Variants in CNTNAP2 observed in about 807,000 individuals in gnomAD.
CNTNAP2 encodes contactin associated protein 2, also known as contactin-associated protein-like 2.
Under a neutral mutation model 155.2 loss-of-function variants are expected in CNTNAP2, and 98 were observed. The ratio of observed to expected loss-of-function variants is 0.63; its 90% CI spans 0.54 to 0.75. The LOEUF (loss-of-function observed/expected upper bound fraction) is 0.75. CNTNAP2 is among the 30% of genes least tolerant of loss of function. The pLI, the probability that CNTNAP2 is intolerant of heterozygous loss-of-function variation, is 0.00. For synonymous variants in CNTNAP2, 651 were observed against 631.2 expected, an observed-to-expected ratio of 1.03 and a Z score of -0.47; for missense variants, 1,727 against 1,688.1, an observed-to-expected ratio of 1.02 and a Z score of -0.40.
intron 1 of CNTNAP2, among the ~76,000 whole-genome samples, chr7:146,305,377 T>C (rs1049068349): frequency 6.6e-6 from 1 of 152,140 alleles, no homozygotes; most frequent in Non-Finnish European, 1.5e-5. Context: ...ATTTTCAGCT[T>C]TTCTGCTCTG....
chr7:147,510,838 T>C (rs10234171), intron 11 of CNTNAP2, among the ~76,000 whole-genome samples: 74,663 of 120,584 alleles, frequency 0.62, 24,516 homozygotes, highest in South Asian at 0.74. Context: ...GCTCCTGTGA[T>C]GGGCCTACAA....
At chr7:146,349,866 A>G (rs997882634) in intron 1 of CNTNAP2, among the ~76,000 whole-genome samples, 3 of 152,002 alleles carry the variant, frequency 2.0e-5, no homozygotes, top group African/African-American at 7.2e-5. Context: ...TTCCCTTTGC[A>G]GGTAACCCGA....
intron 1 of CNTNAP2, among the ~76,000 whole-genome samples, chr7:146,567,474 A>G (rs1168497540): frequency 1.3e-5 from 2 of 152,192 alleles, no homozygotes; most frequent in African/African-American, 4.8e-5. Context: ...TTATTAGATT[A>G]TAGTTTACCT....
intron 21 of CNTNAP2, among the ~76,000 whole-genome samples, chr7:148,343,980 G>A (rs1272131639): frequency 2.0e-5 from 3 of 152,164 alleles, no homozygotes; most frequent in Non-Finnish European, 4.4e-5. Flanking sequence ...ACTGCATGTA[G>A]CCTGAGGGCT....
chr7:146,424,754 A>G (rs996627275), intron 1 of CNTNAP2, among the ~76,000 whole-genome samples: 2 of 152,174 alleles, frequency 1.3e-5, no homozygotes, highest in Admixed American at 1.3e-4. Context: ...TTACTATGTT[A>G]ATTTGTTTTT....
intron 1 of CNTNAP2, among the ~76,000 whole-genome samples, chr7:146,750,285 C>T (rs534972738): frequency 6.2e-4 from 94 of 152,292 alleles, no homozygotes; most frequent in African/African-American, 2.2e-3. Flanking sequence ...TCCACCCCTA[C>T]CTCACCCTCC....
At position 147,053,673 on chromosome 7, in the gene CNTNAP2, A is replaced by G. The variant is rs897949876; in HGVS notation, c.550+9619A>G. On this transcript the variant is annotated intron_variant, in intron 4 of 23. Coordinates refer to ENST00000361727, the MANE Select transcript of CNTNAP2 (RefSeq NM_014141.6). Reference sequence around the variant, plus strand: ...TCTGTCACTCTGAAATATGAATAACAGTATACTTTCTAGAATAAGGGAGGG... The same window carrying G: ...TCTGTCACTCTGAAATATGAATAACGGTATACTTTCTAGAATAAGGGAGGG... Among the ~76,000 whole-genome samples the G allele has an allele frequency of 9.2e-5, 14 of 152,294 alleles. No individual in the cohort carries two copies. In the South Asian group the frequency reaches 2.7e-3, roughly 29 times the overall value.
intron 12 of CNTNAP2, among the ~76,000 whole-genome samples, chr7:147,621,558 AGTT>A (rs1023911993): frequency 7.3e-5 from 11 of 151,622 alleles, no homozygotes; most frequent in African/African-American, 2.7e-4. Flanking sequence ...AAACAGTGTT[AGTT>A]GTTATCAGCT....
intron 21 of CNTNAP2, among the ~76,000 whole-genome samples, chr7:148,281,112 C>T (rs1397118777): frequency 2.0e-5 from 3 of 152,090 alleles, no homozygotes; most frequent in African/African-American, 7.2e-5. Context: ...CCCATTCCCT[C>T]TTTACTTTCC....
At position 147,117,096 on chromosome 7, in the gene CNTNAP2, A is replaced by G. The variant is rs147717167; in HGVS notation, c.755-3883A>G. 3.3e-3 allele frequency among the ~76,000 whole-genome samples: 509 copies of G among 152,288 alleles called. 4 individuals are homozygous for G. The highest frequency in any genetic ancestry group is 0.012 in the African/African-American group (485 of 41,578). On this transcript the variant is annotated intron_variant, in intron 5 of 23. Coordinates refer to ENST00000361727, the MANE Select transcript of CNTNAP2 (RefSeq NM_014141.6). ...GAAATGGGGCCCACAGAACAATGCCATTCGGCTCCCTGGATTCTGCCCCCT... is the reference window on the plus strand; with the variant it reads ...GAAATGGGGCCCACAGAACAATGCCGTTCGGCTCCCTGGATTCTGCCCCCT...
intron 15 of CNTNAP2, among the ~76,000 whole-genome samples, chr7:148,069,660 T>C (rs1203855954): frequency 6.7e-6 from 1 of 149,962 alleles, no homozygotes; most frequent in Admixed American, 6.7e-5. Context: ...CTCGGGAGGC[T>C]GAGACAGGAG....
intron 1 of CNTNAP2, among the ~76,000 whole-genome samples, chr7:146,762,355 C>A (rs908030857): frequency 6.6e-6 from 1 of 152,110 alleles, no homozygotes; most frequent in Non-Finnish European, 1.5e-5. Flanking sequence ...AATCCCAGCA[C>A]TTTGGGAGGC....
intron 1 of CNTNAP2, among the ~76,000 whole-genome samples, chr7:146,730,834 T>G (rs1382414141): frequency 6.6e-6 from 1 of 152,218 alleles, no homozygotes; most frequent in Non-Finnish European, 1.5e-5. Context: ...AAGGATGCCT[T>G]CTATTCTATA....
At chr7:146,917,049 A>G (rs1158587713) in intron 3 of CNTNAP2, among the ~76,000 whole-genome samples, 4 of 152,122 alleles carry the variant, frequency 2.6e-5, no homozygotes, top group Non-Finnish European at 2.9e-5. Context: ...AGAAATTTTT[A>G]ATTTCCTTCT....
intron 5 of CNTNAP2, among the ~76,000 whole-genome samples, chr7:147,115,289 A>G (rs1273565210): frequency 6.6e-6 from 1 of 152,030 alleles, no homozygotes; most frequent in Admixed American, 6.6e-5. Context: ...TCTGATGATT[A>G]TGTGTCTTGG....
chr7:146,950,259 C>T (rs980616425), intron 3 of CNTNAP2, among the ~76,000 whole-genome samples: 1 of 152,040 alleles, frequency 6.6e-6, no homozygotes, highest in African/African-American at 2.4e-5. Flanking sequence ...AACCTTCTAT[C>T]CTTGGGAATC....
intron 8 of CNTNAP2, among the ~76,000 whole-genome samples, chr7:147,206,945 G>A (rs907802672): frequency 3.0e-4 from 45 of 152,104 alleles, no homozygotes; most frequent in Non-Finnish European, 3.7e-4. Flanking sequence ...CAAAGGTGAC[G>A]GAAATTACTG....
At chr7:147,837,736 C>T (rs1798656680) in intron 13 of CNTNAP2, among the ~76,000 whole-genome samples, 1 of 152,190 alleles carries the variant, frequency 6.6e-6, no homozygotes, top group African/African-American at 2.4e-5. Context: ...GCTAAAGGCC[C>T]TATGCAAGTC....
intron 15 of CNTNAP2, among the ~76,000 whole-genome samples, chr7:148,012,635 A>G (rs951081075): frequency 1.3e-5 from 2 of 152,256 alleles, no homozygotes; most frequent in Non-Finnish European, 2.9e-5. Context: ...ATGAAACCTC[A>G]TAAGTAAATT....
Sources: allele counts gnomAD v4.1 joint callset (sites outside exome capture counted in the v4.1 genomes callset), GRCh38; gene constraint gnomAD v4.1.1; transcripts MANE v1.5; gene names NCBI Gene and HGNC (gene_info 2026-07-23, HGNC 2026-07-21).